SLC19A1: variants seen among roughly 807,000 people sequenced by gnomAD.
The protein encoded by SLC19A1 is reduced folate transporter.
A neutral mutation model predicts 35.3 loss-of-function variants in SLC19A1; 37 were observed. That is an observed-to-expected ratio of 1.05 (90% CI 0.81 to 1.38). The LOEUF is 1.38. Ranked by LOEUF, SLC19A1 falls within the 40% of genes most tolerant of loss-of-function variation. The probability of loss-of-function intolerance (pLI) is 0.00; values close to 1 mark genes in which losing one functional copy is unlikely to be tolerated. For synonymous variants in SLC19A1, 460 were observed against 398.5 expected, an observed-to-expected ratio of 1.15 and a Z score of -1.84; for missense variants, 831 against 826.9, an observed-to-expected ratio of 1.00 and a Z score of -0.06.
chr21:45,543,043 G>A (rs773334820), upstream of SLC19A1, among the ~76,000 whole-genome samples: 1 of 152,074 alleles, frequency 6.6e-6, no homozygotes, highest in South Asian at 2.1e-4. Context: ...CTGCCTGACC[G>A]TGACCCGTAC....
At chr21:45,558,499 C>G (rs1347934091) in intron 1 of SLC19A1, among the ~76,000 whole-genome samples, 1 of 152,246 alleles carries the variant, frequency 6.6e-6, no homozygotes, top group Non-Finnish European at 1.5e-5. Context: ...CCCAGGGATG[C>G]AGCAGGTGGG....
downstream of SLC19A1, chr21:45,509,546 G>GGCCGGCGCGACCCACAA: frequency 6.5e-7 from 1 of 1,536,994 alleles, no homozygotes; most frequent in Non-Finnish European, 8.7e-7. Flanking sequence ...GTGCACCTGC[G>GGCCGGCGCGACCCACAA]GCCGGCGCGA....
At chr21:45,510,153 C>CGTGGGGCTGGCGG, downstream of SLC19A1, 3 of 1,598,840 alleles carry the variant, frequency 1.9e-6, no homozygotes, top group Non-Finnish European at 2.6e-6. Context: ...AGGCGCGGGC[C>CGTGGGGCTGGCGG]GTGGGGCTGG....
Position 45,540,787 on chromosome 21 carries a change from C to G in SLC19A1, c.-50+1581G>C, listed in dbSNP as rs1256395812. Among the ~76,000 whole-genome samples the G allele has an allele frequency of 1.3e-5, 2 of 152,182 alleles. No individual in the cohort carries two copies. Among genetic ancestry groups the G allele is most frequent in the African/African-American group, 4.8e-5 (2 of 41,432 alleles). ...ACCAGACAGGAGGGCCACGGGGAAGCAGAGAGAATCCCTGCCTTCAGGAGA... is the reference window on the plus strand; with the variant it reads ...ACCAGACAGGAGGGCCACGGGGAAGGAGAGAGAATCCCTGCCTTCAGGAGA... On this transcript the variant is annotated intron_variant, in intron 1 of 5. Coordinates refer to ENST00000311124, the MANE Select transcript of SLC19A1 (RefSeq NM_194255.4). The surrounding 1 kb of genome is among the most constrained non-coding windows in gnomAD (Gnocchi z 5.5).
At chr21:45,546,932 T>G (rs2078421849), upstream of SLC19A1, among the ~76,000 whole-genome samples, 1 of 152,062 alleles carries the variant, frequency 6.6e-6, no homozygotes, top group Admixed American at 6.6e-5. Context: ...ACAAAATGAT[T>G]GGGAAGGAAG....
chr21:45,536,093 T>C, intron 2 of SLC19A1: 1 of 251,562 alleles, frequency 4.0e-6, no homozygotes, highest in Non-Finnish European at 6.5e-6. Flanking sequence ...CCCGGGCCTC[T>C]CCTGCAGCCA....
chr21:45,521,755 T>C (rs2077444625), intron 5 of SLC19A1, among the ~76,000 whole-genome samples: 1 of 152,050 alleles, frequency 6.6e-6, no homozygotes. Context: ...AGTAATTCAA[T>C]GGGGAGAGCT....
At chr21:45,512,143 G>A (rs751532583), downstream of SLC19A1, 8 of 1,579,864 alleles carry the variant, frequency 5.1e-6, no homozygotes, top group Admixed American at 9.0e-5. Context: ...TCTGCCCTAA[G>A]CAGAGCAGGT....
intron 2 of SLC19A1, among the ~76,000 whole-genome samples, chr21:45,536,724 CAG>C (rs151127531): frequency 0.011 from 1,648 of 152,306 alleles, 22 homozygotes; most frequent in African/African-American, 0.034. Flanking sequence ...CCAGGAGACA[CAG>C]GGAACAAGAG....
downstream of SLC19A1, chr21:45,512,519 GT>G (rs943346350): frequency 1.3e-5 from 11 of 865,892 alleles, no homozygotes; most frequent in African/African-American, 1.2e-4. Context: ...TTCCTGTATA[GT>G]TCACGTTTCA....
chr21:45,545,970 C>A (rs1245992889), upstream of SLC19A1, among the ~76,000 whole-genome samples: 1 of 152,234 alleles, frequency 6.6e-6, no homozygotes, highest in East Asian at 1.9e-4. Context: ...AGCCCCCACT[C>A]CCGCCAGGCC....
rs922296917 is a variant in SLC19A1 at position 45,505,371 on chromosome 21, CGGCCCTCCGGGCCCCCCTG to C, written c.498-6778_498-6760del. 1.1e-5 allele frequency: 18 copies of C among 1,593,256 alleles called. No individual in the cohort carries two copies. The highest frequency in any genetic ancestry group is 1.4e-5 in the Non-Finnish European group (16 of 1,164,014). ...TCTCTCCTGCAGCTATCAGCGTTCC[CGGCCCTCCGGGCCCCCCTG>C]GGCCCCCTGGGCCCCCTGGAACCAT... On this transcript the variant is annotated intron_variant, in intron 3 of 4. Transcript: ENST00000417954.
chr21:45,507,223 C>CA (rs2037264439), intron 3 of SLC19A1: 1 of 260,448 alleles, frequency 3.8e-6, no homozygotes, highest in Non-Finnish European at 6.9e-6. Flanking sequence ...GCTGGGAGGG[C>CA]CGGGTGTTGG....
chr21:45,511,808 T>TGGGCA (rs1220035148), downstream of SLC19A1, among the ~76,000 whole-genome samples: 1 of 152,072 alleles, frequency 6.6e-6, no homozygotes, highest in Non-Finnish European at 1.5e-5. Context: ...AGGAGTGCTG[T>TGGGCA]GGGCAGGGCT....
rs1485462253 is a variant in SLC19A1, at chr21:45,516,101, T to A, written c.1333A>T (p.Ile445Phe). 1 of 1,606,852 alleles carries A rather than the reference T, an allele frequency of 6.2e-7. No individual in the cohort carries two copies. ...TCCAGCATGGCCCCCAAGAAGTAGA[T>A]GATGGACAGGATCAGGAAGTACACG... ...YSVYFLILSI[I>F]YFLGAMLDGL... is the part of the protein sequence containing the mutation. Residue 445 changes from isoleucine to phenylalanine, a missense_variant, in exon 6 of 6, where the codon ATC becomes TTC. Transcript: ENST00000311124.
Position 45,540,276 on chromosome 21 carries a change from T to A in SLC19A1, c.-50+2092A>T, listed in dbSNP as rs573898978. Among the ~76,000 whole-genome samples the A allele has an allele frequency of 9.2e-5, 14 of 152,200 alleles. 1 individual carries two copies. The highest frequency in any genetic ancestry group is 3.4e-4 in the African/African-American group (14 of 41,524). ...CAGCAGGTTTAGACAGGCGCACCGA[T>A]CCCCAGACAACCAGAGCAACCAGAT... On this transcript the variant is annotated intron_variant, in intron 1 of 5. Transcript: ENST00000311124. This position sits in a 1 kb window ranked among gnomAD's most constrained non-coding sequence, Gnocchi z 5.5.
intron 1 of SLC19A1, among the ~76,000 whole-genome samples, chr21:45,550,040 G>A (rs2078450601): frequency 6.6e-6 from 1 of 152,120 alleles, no homozygotes; most frequent in African/African-American, 2.4e-5. Flanking sequence ...CGGCCAGGCT[G>A]GCACATGCGG....
At chr21:45,511,789 G>GT (rs1183272560), downstream of SLC19A1, among the ~76,000 whole-genome samples, 1 of 152,208 alleles carries the variant, frequency 6.6e-6, no homozygotes, top group Non-Finnish European at 1.5e-5. Flanking sequence ...CCTGCCAAGG[G>GT]TCTCTGACAG....
intron 1 of SLC19A1, among the ~76,000 whole-genome samples, chr21:45,560,646 G>A (rs937524010): frequency 1.3e-5 from 2 of 152,260 alleles, no homozygotes; most frequent in South Asian, 2.1e-4. Flanking sequence ...GCAGGGGAGC[G>A]GAGGTTGGAG....
Sources: allele counts gnomAD v4.1 joint callset (sites outside exome capture counted in the v4.1 genomes callset), GRCh38; gene constraint gnomAD v4.1.1; non-coding constraint Gnocchi (gnomAD v3.1); transcripts MANE v1.5; gene names NCBI Gene and HGNC (gene_info 2026-07-23, HGNC 2026-07-21).